Variants in TBC1D5 observed in about 807,000 individuals in gnomAD.
The protein encoded by TBC1D5 is TBC1 domain family, member 5.
A neutral mutation model predicts 100.3 loss-of-function variants in TBC1D5; 75 were observed. The ratio of observed to expected loss-of-function variants is 0.75; its 90% confidence interval spans 0.62 to 0.91. The LOEUF (loss-of-function observed/expected upper bound fraction) is 0.91. Ranked by LOEUF, TBC1D5 falls within the 40% of genes least tolerant of loss-of-function variation. TBC1D5 has a pLI of 0.00. For missense variants in TBC1D5, 910 were observed against 942.4 expected (o/e 0.97, Z 0.45); for synonymous variants, 323 against 325.6 (o/e 0.99, Z 0.09).
chr3:17,613,285 T>C (rs558587509), intron 2 of TBC1D5, among the ~76,000 whole-genome samples: 2 of 152,356 alleles, frequency 1.3e-5, no homozygotes, highest in East Asian at 3.9e-4. Context: ...CAGTCTATCA[T>C]TGATGGACAT....
intron 1 of TBC1D5, among the ~76,000 whole-genome samples, chr3:17,729,038 AAAGT>A: frequency 6.7e-6 from 1 of 150,108 alleles, no homozygotes; most frequent in Admixed American, 6.6e-5. Flanking sequence ...AAAAAAAAAA[AAAGT>A]GAATATCCCC....
chr3:17,398,808 C>T (rs918514353), intron 8 of TBC1D5, among the ~76,000 whole-genome samples: 4 of 152,056 alleles, frequency 2.6e-5, no homozygotes, highest in Non-Finnish European at 5.9e-5. Flanking sequence ...CTTGGCATCT[C>T]TAGTGCCTGG....
At chr3:17,302,669 T>C (rs148578389) in intron 14 of TBC1D5, among the ~76,000 whole-genome samples, 11 of 152,294 alleles carry the variant, frequency 7.2e-5, no homozygotes, top group South Asian at 2.1e-4. Context: ...AGGATGATCA[T>C]AGACCCTTTG....
Position 17,428,597 on chromosome 3 carries a change from C to T in TBC1D5, c.98-78G>A, listed in dbSNP as rs183239553. 603 of 658,916 alleles carry T rather than the reference C, an allele frequency of 9.2e-4. 1 individual carries two copies. The highest frequency in any genetic ancestry group is 1.9e-3 in the Middle Eastern group (4 of 2,068). The allele number at this position is 658,916 out of a possible 1,614,324, so 40.8% of individuals were successfully genotyped here. On this transcript the variant is annotated intron_variant, in intron 3 of 21. Transcript: ENST00000253692. ...GTTGAAAAACTGTGTGAAAGCTCTA[C>T]GCAATATATTAGCCAAAAAGCATAC... is the stretch of plus-strand genomic sequence containing the variant.
At chr3:17,385,154 G>T (rs1050918933) in intron 8 of TBC1D5, among the ~76,000 whole-genome samples, 2 of 152,040 alleles carry the variant, frequency 1.3e-5, no homozygotes, top group African/African-American at 4.8e-5. Flanking sequence ...CTGATCTTGT[G>T]ATCAAGATAA....
intron 9 of TBC1D5, among the ~76,000 whole-genome samples, chr3:17,377,088 G>C (rs933619567): frequency 3.3e-5 from 5 of 152,090 alleles, no homozygotes; most frequent in African/African-American, 1.2e-4. Flanking sequence ...AAGTGCTGAA[G>C]TCAGCTAGCT....
intron 3 of TBC1D5, among the ~76,000 whole-genome samples, chr3:17,463,855 T>C (rs1006679151): frequency 2.6e-5 from 4 of 152,064 alleles, no homozygotes; most frequent in African/African-American, 9.7e-5. Context: ...CATGCAATCG[T>C]ATCTCTTCTC....
At chr3:17,294,562 T>C (rs1230189064) in intron 14 of TBC1D5, among the ~76,000 whole-genome samples, 1 of 152,200 alleles carries the variant, frequency 6.6e-6, no homozygotes, top group South Asian at 2.1e-4. Context: ...ATAAAATATA[T>C]AAGGGAAGCC....
At chr3:17,247,988 ATTTTTT>A (rs201892029) in intron 16 of TBC1D5, among the ~76,000 whole-genome samples, 1 of 141,176 alleles carries the variant, frequency 7.1e-6, no homozygotes, top group African/African-American at 2.6e-5. Flanking sequence ...TCCTCCACTA[ATTTTTT>A]TTTTTTTTTT....
intron 2 of TBC1D5, among the ~76,000 whole-genome samples, chr3:17,612,915 T>C (rs1345542069): frequency 3.3e-5 from 5 of 151,374 alleles, no homozygotes; most frequent in African/African-American, 7.3e-5. Context: ...ATTAAAGTTC[T>C]AGGGTACATG....
rs573629373 is a variant in TBC1D5, at chr3:17,567,434, A to G, written c.-36+56415T>C. On this transcript the variant is annotated intron_variant, in intron 2 of 21. Coordinates refer to ENST00000253692, the Ensembl canonical transcript of TBC1D5. ...AGATATGATATATAATTAATAGGTA[A>G]ACAACAATCTAATTAAAATGGACAA... Among the ~76,000 whole-genome samples, 9 of 151,926 alleles carry G rather than the reference A, an allele frequency of 5.9e-5. No homozygotes were observed. In the South Asian group the frequency reaches 1.9e-3, roughly 31 times the overall value.
chr3:17,332,669 G>A (rs2087036429), intron 13 of TBC1D5, among the ~76,000 whole-genome samples: 1 of 151,706 alleles, frequency 6.6e-6, no homozygotes, highest in Admixed American at 6.6e-5. Flanking sequence ...GTGGAAGTAG[G>A]GGGAAAATTA....
At chr3:17,710,483 G>A (rs1321042089) in intron 1 of TBC1D5, among the ~76,000 whole-genome samples, 1 of 151,938 alleles carries the variant, frequency 6.6e-6, no homozygotes, top group Non-Finnish European at 1.5e-5. Context: ...AGAATCACTT[G>A]AACCCGGGAG....
chr3:17,162,974 T>A (rs555620618), intron 21 of TBC1D5, among the ~76,000 whole-genome samples: 1 of 152,316 alleles, frequency 6.6e-6, no homozygotes, highest in Admixed American at 6.5e-5. Flanking sequence ...TTATCCTAGG[T>A]TGAAAATAAA....
intron 3 of TBC1D5, among the ~76,000 whole-genome samples, chr3:17,442,976 G>T (rs1466170004): frequency 6.6e-6 from 1 of 151,768 alleles, no homozygotes; most frequent in African/African-American, 2.4e-5. Context: ...AGAGAGGAAG[G>T]AGAAAAATTC....
At chr3:17,487,527 T>C (rs950328470) in intron 3 of TBC1D5, among the ~76,000 whole-genome samples, 4 of 152,168 alleles carry the variant, frequency 2.6e-5, no homozygotes, top group African/African-American at 9.6e-5. Context: ...ATGCAAAAGA[T>C]TAAATCATAG....
chr3:17,290,439 G>T (rs930220633), intron 15 of TBC1D5, among the ~76,000 whole-genome samples: 6 of 152,114 alleles, frequency 3.9e-5, no homozygotes, highest in Non-Finnish European at 7.4e-5. Flanking sequence ...AAGATCGATA[G>T]GTTTTGATAA....
intron 19 of TBC1D5, among the ~76,000 whole-genome samples, chr3:17,173,012 G>T (rs1332831204): frequency 6.6e-6 from 1 of 152,118 alleles, no homozygotes; most frequent in Non-Finnish European, 1.5e-5. Context: ...AAGAAACAGG[G>T]AGACAGCACA....
intron 2 of TBC1D5, among the ~76,000 whole-genome samples, chr3:17,591,021 C>T (rs771014554): frequency 9.9e-5 from 15 of 151,758 alleles, no homozygotes; most frequent in African/African-American, 2.9e-4. Context: ...AGGCAGATCA[C>T]GAGGTCAGGA....
Sources: gnomAD v4.1 joint callset for allele counts (sites outside exome capture counted in the v4.1 genomes callset) on GRCh38, gnomAD v4.1.1 for gene constraint, MANE v1.5 for transcripts, NCBI Gene and HGNC (gene_info 2026-07-23, HGNC 2026-07-21) for gene names.